UGT1A3: variants seen among roughly 807,000 people sequenced by gnomAD.
UGT1A3 encodes the protein UDP glucuronosyltransferase family 1 member A3.
UGT1A3 carries 31 observed loss-of-function variants against 41.0 expected under a neutral mutation model. That is an observed-to-expected ratio of 0.76 (90% CI 0.57 to 1.02). The LOEUF is 1.02. UGT1A3 is among the 50% of genes least tolerant of loss of function. The pLI is 0.00. For missense variants in UGT1A3, 737 were observed against 671.0 expected, an observed-to-expected ratio of 1.10 and a Z score of -1.09; for synonymous variants, 262 against 257.6, an observed-to-expected ratio of 1.02 and a Z score of -0.17.
intron 1 of UGT1A3, among the ~76,000 whole-genome samples, chr2:233,735,271 G>A (rs1195301760): frequency 1.3e-5 from 2 of 152,034 alleles, no homozygotes; most frequent in Non-Finnish European, 2.9e-5. Context: ...TTATGTAATG[G>A]CCTTCTTTGT....
chr2:233,730,030 G>T (rs1248063013), intron 1 of UGT1A3, 37 bp downstream of exon 1: 4 of 1,613,378 alleles, frequency 2.5e-6, no homozygotes, highest in Non-Finnish European at 3.4e-6. Flanking sequence ...AATGTTCCAG[G>T]CAAAACACTT....
At chr2:233,745,026 A>G (rs1010617743) in intron 1 of UGT1A3, among the ~76,000 whole-genome samples, 2 of 151,918 alleles carry the variant, frequency 1.3e-5, no homozygotes, top group Non-Finnish European at 2.9e-5. Flanking sequence ...TGCTATGTAA[A>G]TAGTTGTTTT....
At chr2:233,755,268 A>G (rs983713744) in intron 1 of UGT1A3, 4 of 766,442 alleles carry the variant, frequency 5.2e-6, no homozygotes, top group Non-Finnish European at 5.9e-6. Context: ...GTAGTCCACT[A>G]TGCTGGACTG....
intron 1 of UGT1A3, chr2:233,747,131 T>C: frequency 6.5e-7 from 1 of 1,533,260 alleles, no homozygotes; most frequent in Non-Finnish European, 8.8e-7. Flanking sequence ...AGTGGCTCAG[T>C]GACAAGGTAA....
chr2:233,766,951 A>C (rs1699289551), intron 1 of UGT1A3, 83 bp from the exon 2 acceptor site: 10 of 1,601,242 alleles, frequency 6.2e-6, no homozygotes, highest in Non-Finnish European at 8.5e-6. Context: ...CTTAAGAGGA[A>C]GATATCTAAT....
intron 1 of UGT1A3, chr2:233,754,805 A>G (rs755961500): frequency 2.3e-6 from 3 of 1,294,912 alleles, no homozygotes; most frequent in South Asian, 2.4e-5. Context: ...TATCAAAAGA[A>G]GAAAAACCAC....
At chr2:233,748,104 T>A in intron 1 of UGT1A3, 2 of 1,612,628 alleles carry the variant, frequency 1.2e-6, no homozygotes, top group Non-Finnish European at 1.7e-6. Flanking sequence ...CTTCATCCAA[T>A]CAATGTTCCA....
chr2:233,740,339 A>T (rs1249228201), intron 1 of UGT1A3, among the ~76,000 whole-genome samples: 1 of 151,952 alleles, frequency 6.6e-6, no homozygotes, highest in Admixed American at 6.5e-5. Context: ...GAGAAAGTTG[A>T]TGAGAAAGTG....
chr2:233,750,369 G>A (rs1694438903), intron 1 of UGT1A3, among the ~76,000 whole-genome samples: 1 of 151,932 alleles, frequency 6.6e-6, no homozygotes, highest in African/African-American at 2.4e-5. Flanking sequence ...TAAAAGGGAA[G>A]CAGAGCATAA....
chr2:233,729,045 G>T lies in UGT1A3; in HGVS notation c.-82G>T. 4.4e-6 allele frequency: 7 copies of T among 1,607,648 alleles called. No homozygotes were observed. In the South Asian group the frequency reaches 7.8e-5, roughly 18 times the overall value. ...ACGTTGATTTGCTAAGTGGCTCAGT[G>T]ACAAGGTAATTAAGATGAAGAAAGC... On this transcript the variant is annotated 5_prime_UTR_variant, in exon 1 of 5. Transcript: ENST00000482026.
At position 233,729,345 on chromosome 2, in the gene UGT1A3, C is replaced by A. The variant is rs200579886; in HGVS notation, c.219C>A (p.Asn73Lys). The A allele has an allele frequency of 2.1e-4, 337 of 1,614,208 alleles. No homozygotes were observed. The highest frequency in any genetic ancestry group is 3.5e-4 in the Admixed American group (21 of 60,036). Residue 73 changes from asparagine (N) to lysine (K), a missense_variant, in exon 1 of 5, where the codon AAC (asparagine) becomes AAA (lysine). Transcript: ENST00000482026. ...TGAATATGCACATCAAAGAAGAGAACTTTTTCACCCTGACAACCTATGCCA... is the reference window on the plus strand; with the variant it reads ...TGAATATGCACATCAAAGAAGAGAAATTTTTCACCCTGACAACCTATGCCA... ...PEVNMHIKEE[N>K]FFTLTTYAIS...
intron 2 of UGT1A3, among the ~76,000 whole-genome samples, chr2:233,767,485 A>G (rs764164317): frequency 5.9e-4 from 90 of 152,344 alleles, no homozygotes; most frequent in Non-Finnish European, 1.1e-3. Flanking sequence ...AAATAGAAGT[A>G]TTTCTCCAAA....
At chr2:233,760,261 C>T (rs2125981397) in intron 1 of UGT1A3, 4 of 1,611,118 alleles carry the variant, frequency 2.5e-6, no homozygotes, top group South Asian at 1.1e-5. Flanking sequence ...TAGGAGAGGG[C>T]GAACCTCTGG....
chr2:233,738,870 C>T (rs1316553020), intron 1 of UGT1A3: 1 of 152,192 alleles, frequency 6.6e-6, no homozygotes, highest in Admixed American at 6.5e-5. Context: ...GAAAATGGCT[C>T]CAGGGCATGT....
intron 1 of UGT1A3, among the ~76,000 whole-genome samples, chr2:233,733,320 C>T (rs2078379887): frequency 6.6e-6 from 1 of 152,134 alleles, no homozygotes; most frequent in African/African-American, 2.4e-5. Flanking sequence ...TGCCTGATTG[C>T]CCTGGCCAGA....
At chr2:233,739,387 C>T (rs1691076515) in intron 1 of UGT1A3, among the ~76,000 whole-genome samples, 1 of 152,204 alleles carries the variant, frequency 6.6e-6, no homozygotes, top group Non-Finnish European at 1.5e-5. Flanking sequence ...CTGGAAGAGC[C>T]ACAGACATCA....
intron 1 of UGT1A3, among the ~76,000 whole-genome samples, chr2:233,746,215 A>C (rs1693328060): frequency 6.6e-6 from 1 of 151,878 alleles, no homozygotes; most frequent in South Asian, 2.1e-4. Flanking sequence ...CTCTAATAGC[A>C]AGGACAGATA....
chr2:233,744,344 C>T (rs1692781957), intron 1 of UGT1A3, among the ~76,000 whole-genome samples: 1 of 151,964 alleles, frequency 6.6e-6, no homozygotes, highest in South Asian at 2.1e-4. Flanking sequence ...CTGACTGGGG[C>T]TGAAGACATC....
intron 2 of UGT1A3, 103 bp from the exon 3 acceptor site, chr2:233,767,746 A>G (rs1269401537): frequency 1.3e-6 from 2 of 1,589,042 alleles, no homozygotes; most frequent in Non-Finnish European, 1.7e-6. Flanking sequence ...TCTGTTAAAG[A>G]CTGTTCCTTC....
Sources: allele counts gnomAD v4.1 joint callset (sites outside exome capture counted in the v4.1 genomes callset), GRCh38; gene constraint gnomAD v4.1.1; transcripts MANE v1.5; gene names NCBI Gene and HGNC (gene_info 2026-07-23, HGNC 2026-07-21).